NME7: variants seen among roughly 807,000 people sequenced by gnomAD.
NME7 encodes the protein nucleoside diphosphate kinase 7.
In NME7, 41 loss-of-function variants were observed where a neutral mutation model predicts 49.1. The ratio of observed to expected loss-of-function variants is 0.83; its 90% CI spans 0.65 to 1.08. The LOEUF (loss-of-function observed/expected upper bound fraction) is 1.08, where lower values mean the gene tolerates loss of function less well. Ranked by LOEUF, NME7 falls within the 50% of genes least tolerant of loss-of-function variation. NME7 has a pLI of 0.00. For missense variants in NME7, 423 were observed against 463.4 expected, an observed-to-expected ratio of 0.91 and a Z score of 0.80; for synonymous variants, 139 against 150.6, an observed-to-expected ratio of 0.92 and a Z score of 0.56.
intron 7 of NME7, among the ~76,000 whole-genome samples, chr1:169,246,135 A>G (rs1259862072): frequency 6.6e-6 from 1 of 152,030 alleles, no homozygotes; most frequent in East Asian, 1.9e-4. Flanking sequence ...CTTCATGTCT[A>G]CAAAAAATAT....
At chr1:169,262,086 T>C (rs1296299070) in intron 7 of NME7, among the ~76,000 whole-genome samples, 1 of 133,432 alleles carries the variant, frequency 7.5e-6, no homozygotes, top group Admixed American at 7.4e-5. Context: ...GCCATGTGAC[T>C]TTCCTTAGCT....
chr1:169,333,862 C>T (rs1652360356), intron 1 of NME7, among the ~76,000 whole-genome samples: 1 of 152,082 alleles, frequency 6.6e-6, no homozygotes, highest in Non-Finnish European at 1.5e-5. Context: ...AATTTAACCC[C>T]CTATTAAGAC....
chr1:169,307,898 T>C (rs559083615), intron 4 of NME7, among the ~76,000 whole-genome samples: 2 of 151,948 alleles, frequency 1.3e-5, no homozygotes, highest in East Asian at 3.9e-4. Flanking sequence ...TGTGCTCCTG[T>C]AGTTCCAGCT....
At chr1:169,330,074 C>A (rs1416995655) in intron 1 of NME7, among the ~76,000 whole-genome samples, 1 of 152,012 alleles carries the variant, frequency 6.6e-6, no homozygotes, top group Non-Finnish European at 1.5e-5. Flanking sequence ...GACTGTTACC[C>A]TATAATAGTA....
chr1:169,287,343 A>T lies in NME7; in HGVS notation c.714T>A (p.Asn238Lys), dbSNP rs150154816. The change falls in exon 7 of 12, where the codon AAT becomes AAA. Residue 238 changes from asparagine to lysine, a missense_variant. Asn to Lys is a moderately conservative substitution (Grantham distance 94). Coordinates refer to ENST00000367811, the MANE Select transcript of NME7 (RefSeq NM_013330.5). ...CGPANTAKFTNCTCCIVKPHA... is the reference protein window; with the variant it reads ...CGPANTAKFTKCTCCIVKPHA... Reference sequence around the variant, plus strand: ...GGGGTTTAACAATGCAACAGGTACAATTAGTAAATTTAGCAGTGTTTGCCG... The same window carrying T: ...GGGGTTTAACAATGCAACAGGTACATTTAGTAAATTTAGCAGTGTTTGCCG... 28 of 1,611,618 alleles carry T rather than the reference A, an allele frequency of 1.7e-5. No individual in the cohort carries two copies. The highest frequency in any genetic ancestry group is 2.1e-5 in the Non-Finnish European group (25 of 1,178,940).
chr1:169,256,549 C>T (rs1296885424), intron 7 of NME7, among the ~76,000 whole-genome samples: 2 of 132,878 alleles, frequency 1.5e-5, no homozygotes, highest in Admixed American at 1.5e-4. Context: ...CGTCTGAAGC[C>T]TTCTTCTCTC....
chr1:169,352,275 CA>C (rs1411861781), intron 1 of NME7, among the ~76,000 whole-genome samples: 2 of 152,030 alleles, frequency 1.3e-5, no homozygotes, highest in African/African-American at 4.8e-5. Flanking sequence ...TGGTACAACA[CA>C]TGCAAATCAA....
Position 169,169,548 on chromosome 1 carries a change from C to T in NME7, c.997G>A (p.Ala333Thr). ...EFCGPADPEI[A>T]RHLRPGTLRA... ...AGAGTTCCAGGGCGTAAATGCCGGG[C>T]AATTTCCTATTAAACATACATTCAC... The change falls in exon 11 of 12, where the codon GCC becomes ACC. Residue 333 changes from alanine (A) to threonine (T), a missense_variant. Coordinates refer to ENST00000367811, the MANE Select transcript of NME7 (RefSeq NM_013330.5). The T allele has an allele frequency of 6.2e-7, 1 of 1,613,570 alleles. No individual in the cohort carries two copies. Among genetic ancestry groups the T allele is most frequent in the Non-Finnish European group, 8.5e-7 (1 of 1,179,656 alleles).
At chr1:169,273,246 T>C (rs1233673031) in intron 7 of NME7, among the ~76,000 whole-genome samples, 1 of 130,516 alleles carries the variant, frequency 7.7e-6, no homozygotes, top group Non-Finnish European at 1.8e-5. Flanking sequence ...TGTGTGATGT[T>C]CCCCTCCCTG....
At chr1:169,284,119 A>G (rs1035337867) in intron 7 of NME7, 8 of 152,086 alleles carry the variant, frequency 5.3e-5, no homozygotes, top group African/African-American at 9.7e-5. Context: ...ACATAATCCC[A>G]TATTTCTTGG....
chr1:169,168,136 C>G (rs1557970665), intron 11 of NME7, among the ~76,000 whole-genome samples: 1 of 152,184 alleles, frequency 6.6e-6, no homozygotes. Context: ...GTGCAAGACC[C>G]TGGAGGTATG....
intron 10 of NME7, among the ~76,000 whole-genome samples, chr1:169,187,349 A>G (rs1239751700): frequency 6.6e-6 from 1 of 152,104 alleles, no homozygotes; most frequent in Admixed American, 6.5e-5. Context: ...GTAGAGTGTT[A>G]AAGTCTCCCA....
chr1:169,174,209 C>A lies in NME7; in HGVS notation c.991-4655G>T, dbSNP rs903006429. Among the ~76,000 whole-genome samples the A allele has an allele frequency of 2.0e-5, 3 of 152,070 alleles. No homozygotes were observed. The East Asian group carries it at 5.8e-4, about 29-fold the overall frequency. The stretch of plus-strand genomic sequence containing the variant: ...ATATAGAATAGTGATTGGCAAAATA[C>A]TGAAAATAAAGAAGGGAATATTTAT... On this transcript the variant is annotated intron_variant, in intron 10 of 11. Coordinates refer to ENST00000367811, the MANE Select transcript of NME7 (RefSeq NM_013330.5).
chr1:169,323,644 C>T (rs1442766955), intron 2 of NME7, among the ~76,000 whole-genome samples: 1 of 152,070 alleles, frequency 6.6e-6, no homozygotes, highest in Non-Finnish European at 1.5e-5. Flanking sequence ...CCAAAAAGAT[C>T]TACTTGTTAA....
intron 5 of NME7, 37 bp downstream of exon 5, chr1:169,303,108 C>T (rs1254391409): frequency 1.5e-6 from 2 of 1,376,544 alleles, no homozygotes; most frequent in East Asian, 4.9e-5. Context: ...AGGATATCCT[C>T]CTTTACATAC....
intron 11 of NME7, among the ~76,000 whole-genome samples, chr1:169,149,624 G>A (rs1658853808): frequency 6.6e-6 from 1 of 152,146 alleles, no homozygotes; most frequent in Non-Finnish European, 1.5e-5. Flanking sequence ...CAATAGAACA[G>A]TTATAACAAT....
chr1:169,208,104 C>A (rs564580792), intron 10 of NME7, among the ~76,000 whole-genome samples: 2 of 152,124 alleles, frequency 1.3e-5, no homozygotes, highest in Non-Finnish European at 2.9e-5. Context: ...TCCTTTAGTA[C>A]ACAAATCTGC....
At chr1:169,347,443 C>A (rs557977429) in intron 1 of NME7, among the ~76,000 whole-genome samples, 8 of 148,164 alleles carry the variant, frequency 5.4e-5, no homozygotes, top group Non-Finnish European at 1.0e-4. Context: ...GCAAGTTTAA[C>A]AAACAAAGCC....
At chr1:169,251,251 T>C (rs1277237925) in intron 7 of NME7, among the ~76,000 whole-genome samples, 3 of 152,128 alleles carry the variant, frequency 2.0e-5, no homozygotes, top group Non-Finnish European at 4.4e-5. Flanking sequence ...TTTTTTACTG[T>C]TGTTGCTTTA....
Sources: gnomAD v4.1 joint callset for allele counts (sites outside exome capture counted in the v4.1 genomes callset) on GRCh38, gnomAD v4.1.1 for gene constraint, MANE v1.5 for transcripts, NCBI Gene and HGNC (gene_info 2026-07-23, HGNC 2026-07-21) for gene names.